Variants in TMEFF1 observed in about 807,000 individuals in gnomAD.
TMEFF1 encodes transmembrane protein with EGF like and two follistatin like domains 1, also known as tomoregulin-1.
Under a neutral mutation model 47.5 loss-of-function variants are expected in TMEFF1, and 20 were observed. The observed-to-expected ratio is 0.42, with a 90% CI of 0.30 to 0.61. TMEFF1 has a LOEUF of 0.61. Among genes scored for constraint, TMEFF1 ranks in the 20% least tolerant of loss-of-function variants. The pLI is 0.19. For synonymous variants in TMEFF1, 162 were observed against 166.3 expected (o/e 0.97, Z 0.20); for missense variants, 411 against 471.1 (o/e 0.87, Z 1.18).
chr9:100,513,294 T>C lies in TMEFF1; in HGVS notation c.437-13T>C, dbSNP rs1317802807. The stretch of plus-strand genomic sequence containing the variant: ...GAAAAATGTTCATATTCATTCTTTG[T>C]TTTTCTTCTCAGATAATGGATCTGG... On this transcript the variant is annotated splice_polypyrimidine_tract_variant and intron_variant, in intron 3 of 9. Coordinates refer to ENST00000374879, the MANE Select transcript of TMEFF1 (RefSeq NM_003692.5). The C allele has an allele frequency of 1.3e-6, 2 of 1,595,972 alleles. No homozygotes were observed. Among genetic ancestry groups the C allele is most frequent in the Non-Finnish European group, 1.7e-6 (2 of 1,174,148 alleles).
At chr9:100,514,824 G>T (rs538347156) in intron 4 of TMEFF1, among the ~76,000 whole-genome samples, 1 of 151,822 alleles carries the variant, frequency 6.6e-6, no homozygotes, top group East Asian at 1.9e-4. Flanking sequence ...GTGAAACCCC[G>T]TCTCTACTAA....
In TMEFF1 at chr9:100,570,379, C is replaced by T. The variant is rs140580114; in HGVS notation, c.900-2139C>T. 1.8e-3 allele frequency among the ~76,000 whole-genome samples: 277 copies of T among 151,938 alleles called. 1 individual carries two copies. The highest frequency in any genetic ancestry group is 0.01 in the Middle Eastern group (3 of 292). ...ATACGGTTTTCCATAATAACTGTAT[C>T]TTATGTTTTTTTTCTTCAGAGTTTT... On this transcript the variant is annotated intron_variant, in intron 8 of 9. Transcript: ENST00000374879.
At chr9:100,564,015 C>G (rs1017449816) in intron 8 of TMEFF1, among the ~76,000 whole-genome samples, 3 of 152,146 alleles carry the variant, frequency 2.0e-5, no homozygotes, top group Admixed American at 6.5e-5. Context: ...GATAAACAGC[C>G]TTTAGCCACA....
At chr9:100,532,953 T>C (rs535589583) in intron 5 of TMEFF1, among the ~76,000 whole-genome samples, 85 of 151,726 alleles carry the variant, frequency 5.6e-4, no homozygotes, top group African/African-American at 2.0e-3. Flanking sequence ...ATGGATGAAA[T>C]TGGAAATCAT....
In TMEFF1 at chr9:100,543,704, AACACAC is replaced by A. The variant is rs36046142; in HGVS notation, c.561-4002_561-3997del. Among the ~76,000 whole-genome samples the A allele has an allele frequency of 3.9e-3, 536 of 138,920 alleles. 1 individual carries two copies. Among genetic ancestry groups the A allele is most frequent in the South Asian group, 8.1e-3 (33 of 4,064 alleles). 91.1% of individuals were successfully genotyped at this position (138,920 alleles called of 152,430 possible). ...AACACTAACATAGCTGATGAAGTAAAACACACACACACACACACACACACACACACA... is the reference window on the plus strand; with the variant it reads ...AACACTAACATAGCTGATGAAGTAAAACACACACACACACACACACACACA... On this transcript the variant is annotated intron_variant, in intron 5 of 9. Coordinates refer to ENST00000374879, the MANE Select transcript of TMEFF1 (RefSeq NM_003692.5).
intron 5 of TMEFF1, among the ~76,000 whole-genome samples, chr9:100,538,769 G>A (rs956001029): frequency 1.3e-4 from 20 of 152,268 alleles, no homozygotes; most frequent in Middle Eastern, 3.4e-3. Flanking sequence ...ACTGCTTGTT[G>A]AATTTGATTG....
At chr9:100,484,849 G>C (rs1052570151) in intron 1 of TMEFF1, among the ~76,000 whole-genome samples, 3 of 150,334 alleles carry the variant, frequency 2.0e-5, no homozygotes, top group Non-Finnish European at 4.4e-5. Context: ...GGCTAATTTT[G>C]TATTTTTAGT....
chr9:100,568,880 C>A (rs1029094007), intron 8 of TMEFF1, among the ~76,000 whole-genome samples: 3 of 152,090 alleles, frequency 2.0e-5, no homozygotes, highest in Non-Finnish European at 4.4e-5. Context: ...CAGGTTCATC[C>A]ATGTCATAAC....
At chr9:100,546,315 C>T (rs562324366) in intron 5 of TMEFF1, among the ~76,000 whole-genome samples, 1 of 152,092 alleles carries the variant, frequency 6.6e-6, no homozygotes, top group Non-Finnish European at 1.5e-5. Context: ...TGGATGGCAG[C>T]AGGCAAAAAG....
intron 5 of TMEFF1, among the ~76,000 whole-genome samples, chr9:100,517,236 C>T (rs1838091937): frequency 6.6e-6 from 1 of 152,070 alleles, no homozygotes; most frequent in Admixed American, 6.6e-5. Flanking sequence ...TTATTTATTT[C>T]CAATATCATT....
intron 6 of TMEFF1, 69 bp from the exon 7 acceptor site, chr9:100,550,026 T>C: frequency 6.5e-7 from 1 of 1,534,828 alleles, no homozygotes. Flanking sequence ...AATTTGGAAT[T>C]ATTGGGAGTA....
intron 5 of TMEFF1, among the ~76,000 whole-genome samples, chr9:100,544,372 A>G (rs1587848064): frequency 6.6e-6 from 1 of 152,216 alleles, no homozygotes; most frequent in Admixed American, 6.5e-5. Flanking sequence ...CACATCTTAC[A>G]TGGATGGCGG....
chr9:100,500,571 A>G (rs960785295), intron 2 of TMEFF1, among the ~76,000 whole-genome samples: 3 of 152,090 alleles, frequency 2.0e-5, no homozygotes, highest in Non-Finnish European at 4.4e-5. Context: ...TATGTTTAGA[A>G]TTTACAGTTT....
intron 1 of TMEFF1, among the ~76,000 whole-genome samples, chr9:100,491,376 A>ACT (rs1189559571): frequency 2.0e-5 from 3 of 152,182 alleles, no homozygotes; most frequent in Admixed American, 2.0e-4. Flanking sequence ...GTCAGTATAA[A>ACT]CTCATGACAA....
chr9:100,533,179 G>C (rs943905967), intron 5 of TMEFF1, among the ~76,000 whole-genome samples: 1 of 151,822 alleles, frequency 6.6e-6, no homozygotes, highest in African/African-American at 2.4e-5. Context: ...CATGGCACAT[G>C]TATACATATG....
intron 1 of TMEFF1, among the ~76,000 whole-genome samples, chr9:100,492,740 G>A (rs527443325): frequency 2.9e-4 from 44 of 152,096 alleles, no homozygotes; most frequent in Non-Finnish European, 5.0e-4. Context: ...GCTCTAGAAG[G>A]GTCAAGAAAA....
chr9:100,555,154 T>TACAC, intron 7 of TMEFF1, among the ~76,000 whole-genome samples: 1 of 146,010 alleles, frequency 6.8e-6, no homozygotes, highest in East Asian at 2.0e-4. Flanking sequence ...TTTTATATTG[T>TACAC]ACACACAGAC....
chr9:100,561,919 C>T (rs1265726289), intron 8 of TMEFF1, among the ~76,000 whole-genome samples: 6 of 151,756 alleles, frequency 4.0e-5, no homozygotes, highest in African/African-American at 9.7e-5. Flanking sequence ...GGGATGGGGA[C>T]GAAGAACCAG....
At chr9:100,475,015 A>G (rs902744923) in intron 1 of TMEFF1, among the ~76,000 whole-genome samples, 1 of 152,160 alleles carries the variant, frequency 6.6e-6, no homozygotes, top group Admixed American at 6.5e-5. Context: ...CATAAGCCAC[A>G]TCCTTGCTAA....
Sources: allele counts gnomAD v4.1 joint callset (sites outside exome capture counted in the v4.1 genomes callset), GRCh38; gene constraint gnomAD v4.1.1; transcripts MANE v1.5; gene names NCBI Gene and HGNC (gene_info 2026-07-23, HGNC 2026-07-21).